Variants in ARHGEF7 observed in about 807,000 individuals in gnomAD.
ARHGEF7 encodes the protein Rho guanine nucleotide exchange factor 7.
In ARHGEF7, 33 loss-of-function variants were observed where a neutral mutation model predicts 109.8. That is an observed-to-expected ratio of 0.30 (90% CI 0.23 to 0.40). The LOEUF (loss-of-function observed/expected upper bound fraction) is 0.40, where lower values mean the gene tolerates loss of function less well. Ranked by LOEUF, ARHGEF7 falls within the 10% of genes least tolerant of loss-of-function variation. The pLI is 1.00. For missense variants in ARHGEF7, 938 were observed against 1,098.5 expected (o/e 0.85, Z 2.07); for synonymous variants, 458 against 424.6 (o/e 1.08, Z -0.97).
intron 2 of ARHGEF7, among the ~76,000 whole-genome samples, chr13:111,157,762 T>A (rs2076452742): frequency 6.6e-6 from 1 of 152,160 alleles, no homozygotes; most frequent in Admixed American, 6.5e-5. Flanking sequence ...GATTCAAGTG[T>A]TGTAGCTACT....
chr13:111,268,067 C>T (rs1246624643), intron 9 of ARHGEF7, among the ~76,000 whole-genome samples: 2 of 152,168 alleles, frequency 1.3e-5, no homozygotes, highest in African/African-American at 4.8e-5. Context: ...AGGTTTTATA[C>T]ACAAAACATT....
chr13:111,172,503 G>A (rs1353283166), intron 2 of ARHGEF7, among the ~76,000 whole-genome samples: 1 of 152,216 alleles, frequency 6.6e-6, no homozygotes, highest in African/African-American at 2.4e-5. Context: ...ACCTCATCCT[G>A]TGACAGTGTC....
chr13:111,219,763 G>A (rs190535224), intron 5 of ARHGEF7, among the ~76,000 whole-genome samples: 1 of 151,962 alleles, frequency 6.6e-6, no homozygotes, highest in Non-Finnish European at 1.5e-5. Context: ...AAATCGACTT[G>A]GGCAGAATTT....
intron 5 of ARHGEF7, among the ~76,000 whole-genome samples, chr13:111,231,414 G>A (rs916937340): frequency 3.9e-5 from 6 of 152,148 alleles, no homozygotes; most frequent in Non-Finnish European, 5.9e-5. Context: ...AACTTGCAGC[G>A]GCACCTTATT....
chr13:111,261,239 A>G (rs1318248651), intron 8 of ARHGEF7, among the ~76,000 whole-genome samples: 6 of 152,172 alleles, frequency 3.9e-5, no homozygotes, highest in Non-Finnish European at 7.4e-5. Context: ...CCAATGATCT[A>G]TAAAGACACC....
chr13:111,123,461 C>T (rs565525647), intron 1 of ARHGEF7, among the ~76,000 whole-genome samples: 29 of 151,046 alleles, frequency 1.9e-4, no homozygotes, highest in African/African-American at 7.1e-4. Flanking sequence ...CTGAGGTTTA[C>T]CATGGCCATA....
intron 8 of ARHGEF7, among the ~76,000 whole-genome samples, chr13:111,261,251 A>G (rs866058901): frequency 1.3e-5 from 2 of 152,198 alleles, no homozygotes; most frequent in Non-Finnish European, 2.9e-5. Context: ...AAAGACACCT[A>G]TAGACTGGAA....
At chr13:111,190,222 C>T (rs567531664) in intron 2 of ARHGEF7, among the ~76,000 whole-genome samples, 48 of 152,164 alleles carry the variant, frequency 3.2e-4, no homozygotes, top group Non-Finnish European at 5.6e-4. Flanking sequence ...ATACAGGGCC[C>T]GAAGGCGAGT....
intron 1 of ARHGEF7, among the ~76,000 whole-genome samples, chr13:111,139,087 A>G (rs1199584361): frequency 6.6e-6 from 1 of 152,246 alleles, no homozygotes; most frequent in Non-Finnish European, 1.5e-5. Context: ...AAGGAAATTA[A>G]AAGTATAGAA....
intron 1 of ARHGEF7, among the ~76,000 whole-genome samples, chr13:111,119,299 T>C (rs2067015270): frequency 6.6e-6 from 1 of 152,214 alleles, no homozygotes; most frequent in Non-Finnish European, 1.5e-5. Context: ...CCTGAGATAC[T>C]GGGGGTTAGG....
In ARHGEF7 at chr13:111,244,201, T is replaced by C; in HGVS notation, c.857T>C (p.Leu286Ser). 6.3e-7 allele frequency: 1 copy of C among 1,594,964 alleles called. No homozygotes were observed. The highest frequency in any genetic ancestry group is 8.6e-7 in the Non-Finnish European group (1 of 1,168,970). Residue 286 changes from leucine to serine, a missense_variant and splice_region_variant, in exon 8 of 22, where the codon TTA (leucine) becomes TCA (serine). By Grantham distance (145) the Leu-to-Ser change is moderately radical. Transcript: ENST00000646102. ...YLRPLQTSEK[L>S]SSANISYLMG... ...ACTGTTATTTTTCTTGGCTCTAGGT[T>C]AAGTTCAGCAAACATTTCATATTTA...
chr13:111,289,434 A>G (rs1368886116), intron 18 of ARHGEF7, among the ~76,000 whole-genome samples: 1 of 152,196 alleles, frequency 6.6e-6, no homozygotes, highest in Non-Finnish European at 1.5e-5. Context: ...CCCTGCTGGC[A>G]TCTGCGTGCC....
At position 111,283,331 on chromosome 13, in the gene ARHGEF7, C is replaced by T; in HGVS notation, c.1918C>T (p.Leu640Phe). Residue 640 changes from leucine to phenylalanine, a missense_variant, in exon 16 of 22, where the codon CTC becomes TTC. Physicochemically the swap from Leu to Phe is conservative, Grantham distance 22. Transcript: ENST00000646102. The stretch of plus-strand genomic sequence containing the variant: ...GAGCTGCCTGCGGCCCGCGCCTCCC[C>T]TCCGGCCCTCAGCTGCTCTCTGCTA... ...SLSCLRPAPP[L>F]RPSAALCYKE... The T allele has an allele frequency of 6.4e-7, 1 of 1,555,324 alleles. No individual in the cohort carries two copies. The highest frequency in any genetic ancestry group is 8.7e-7 in the Non-Finnish European group (1 of 1,154,216).
At chr13:111,172,114 G>A (rs917207382) in intron 2 of ARHGEF7, among the ~76,000 whole-genome samples, 26 of 152,168 alleles carry the variant, frequency 1.7e-4, no homozygotes, top group African/African-American at 5.8e-4. Context: ...AAACACGTTC[G>A]TAATCTTGAC....
At chr13:111,139,473 TC>T (rs1461923528) in intron 1 of ARHGEF7, among the ~76,000 whole-genome samples, 1 of 152,248 alleles carries the variant, frequency 6.6e-6, no homozygotes, top group Non-Finnish European at 1.5e-5. Context: ...ACAGGAGGCC[TC>T]CAGAGCGTGT....
intron 19 of ARHGEF7, chr13:111,294,390 G>C: frequency 2.0e-6 from 2 of 985,420 alleles, no homozygotes; most frequent in Non-Finnish European, 2.4e-6. Flanking sequence ...AAACACAGTT[G>C]CTGCACTTGG....
chr13:111,191,343 T>C (rs2079865333), intron 2 of ARHGEF7, among the ~76,000 whole-genome samples: 1 of 152,128 alleles, frequency 6.6e-6, no homozygotes, highest in Admixed American at 6.5e-5. Context: ...AAAGTTAAGA[T>C]GGTATTCATA....
intron 2 of ARHGEF7, among the ~76,000 whole-genome samples, chr13:111,195,361 A>G (rs2080371747): frequency 6.6e-6 from 1 of 152,242 alleles, no homozygotes; most frequent in South Asian, 2.1e-4. Flanking sequence ...ACTTTCAGGC[A>G]TAACAAGAAA....
chr13:111,200,049 C>T (rs768139846), intron 2 of ARHGEF7, among the ~76,000 whole-genome samples: 10 of 152,142 alleles, frequency 6.6e-5, no homozygotes, highest in African/African-American at 7.2e-5. Context: ...TTTCTGCCGC[C>T]GTGGACTACT....
Sources: allele counts gnomAD v4.1 joint callset (sites outside exome capture counted in the v4.1 genomes callset), GRCh38; gene constraint gnomAD v4.1.1; transcripts MANE v1.5; gene names NCBI Gene and HGNC (gene_info 2026-07-23, HGNC 2026-07-21).